The following NKAIN2 variants were observed in gnomAD, a reference collection of about 807,000 sequenced individuals.
NKAIN2 encodes sodium/potassium transporting ATPase interacting 2.
A neutral mutation model predicts 32.6 loss-of-function variants in NKAIN2; 14 were observed. The ratio of observed to expected loss-of-function variants is 0.43; its 90% CI spans 0.28 to 0.67. The LOEUF (loss-of-function observed/expected upper bound fraction) is 0.67. NKAIN2 is among the 30% of genes least tolerant of loss of function. NKAIN2 has a pLI of 0.17. For synonymous variants in NKAIN2, 80 were observed against 87.2 expected (o/e 0.92, Z 0.46); for missense variants, 198 against 258.3 (o/e 0.77, Z 1.60).
intron 3 of NKAIN2, among the ~76,000 whole-genome samples, chr6:124,457,301 T>C (rs985225043): frequency 1.6e-4 from 24 of 151,956 alleles, no homozygotes; most frequent in African/African-American, 5.8e-4. Flanking sequence ...ACTGATTCTA[T>C]AGGGCATTTG....
chr6:124,059,048 A>C (rs920423568), intron 1 of NKAIN2, among the ~76,000 whole-genome samples: 2 of 152,122 alleles, frequency 1.3e-5, no homozygotes, highest in African/African-American at 4.8e-5. Flanking sequence ...ATCACCCTCC[A>C]TATATTATGC....
intron 3 of NKAIN2, among the ~76,000 whole-genome samples, chr6:124,651,777 A>G (rs765042030): frequency 7.9e-5 from 12 of 152,296 alleles, no homozygotes; most frequent in Admixed American, 2.0e-4. Context: ...CTCTGGGTCT[A>G]TGATAAGAGG....
At chr6:124,234,838 A>G (rs1192578073) in intron 1 of NKAIN2, among the ~76,000 whole-genome samples, 1 of 152,184 alleles carries the variant, frequency 6.6e-6, no homozygotes, top group East Asian at 1.9e-4. Flanking sequence ...TTAAATGAAT[A>G]GTGCGAAGTT....
At chr6:124,215,415 G>C (rs1008864250) in intron 1 of NKAIN2, among the ~76,000 whole-genome samples, 1 of 151,948 alleles carries the variant, frequency 6.6e-6, no homozygotes, top group South Asian at 2.1e-4. Context: ...TCTCCAATAT[G>C]ATGGGCCCAA....
intron 2 of NKAIN2, among the ~76,000 whole-genome samples, chr6:124,349,825 A>C (rs1044154559): frequency 1.3e-5 from 2 of 152,210 alleles, no homozygotes; most frequent in African/African-American, 4.8e-5. Context: ...TGGAGCCACA[A>C]ATACCACAGG....
intron 3 of NKAIN2, among the ~76,000 whole-genome samples, chr6:124,514,613 A>G (rs1296284072): frequency 1.3e-5 from 2 of 152,118 alleles, no homozygotes; most frequent in African/African-American, 4.8e-5. Flanking sequence ...AGATGGATCT[A>G]CCACAGGTAA....
chr6:124,261,014 C>G (rs545178941), intron 1 of NKAIN2, among the ~76,000 whole-genome samples: 1 of 151,994 alleles, frequency 6.6e-6, no homozygotes, highest in African/African-American at 2.4e-5. Flanking sequence ...GAGGACTGCC[C>G]GCAAGAAATT....
intron 4 of NKAIN2, among the ~76,000 whole-genome samples, chr6:124,667,165 A>G (rs958909607): frequency 2.0e-5 from 3 of 152,150 alleles, no homozygotes; most frequent in Non-Finnish European, 2.9e-5. Flanking sequence ...AGGATGCAAT[A>G]TATTTTTCTA....
At chr6:124,223,414 A>G (rs746271390) in intron 1 of NKAIN2, among the ~76,000 whole-genome samples, 1 of 152,092 alleles carries the variant, frequency 6.6e-6, no homozygotes, top group Non-Finnish European at 1.5e-5. Flanking sequence ...GCAGAGTCCC[A>G]GAATAAGGGA....
chr6:124,788,014 G>A (rs970919322), intron 4 of NKAIN2, among the ~76,000 whole-genome samples: 15 of 152,072 alleles, frequency 9.9e-5, no homozygotes, highest in Non-Finnish European at 1.3e-4. Flanking sequence ...ACACATGAAA[G>A]TGTCCAATCT....
chr6:124,113,516 G>GC (rs1330260912), intron 1 of NKAIN2, among the ~76,000 whole-genome samples: 2 of 152,068 alleles, frequency 1.3e-5, no homozygotes, highest in Non-Finnish European at 2.9e-5. Context: ...GCCTGTACCA[G>GC]CCCAAGATGT....
At chr6:124,608,772 T>C (rs73573352) in intron 3 of NKAIN2, among the ~76,000 whole-genome samples, 13,286 of 152,208 alleles carry the variant, frequency 0.087, 638 homozygotes, top group South Asian at 0.21. Flanking sequence ...ATTTTCGACC[T>C]CACTCGGGGC....
intron 3 of NKAIN2, among the ~76,000 whole-genome samples, chr6:124,588,980 T>G (rs935385204): frequency 2.6e-5 from 4 of 152,228 alleles, no homozygotes; most frequent in Non-Finnish European, 5.9e-5. Flanking sequence ...TTTAATGTAT[T>G]TTTTATAATG....
intron 2 of NKAIN2, among the ~76,000 whole-genome samples, chr6:124,339,205 G>C (rs544378406): frequency 6.6e-6 from 1 of 152,136 alleles, no homozygotes. Context: ...GCCGGGCGTG[G>C]TGGCGCGCAC....
chr6:124,061,911 G>A (rs1582560175), intron 1 of NKAIN2, among the ~76,000 whole-genome samples: 1 of 152,228 alleles, frequency 6.6e-6, no homozygotes, highest in African/African-American at 2.4e-5. Flanking sequence ...TTCTTAAGAT[G>A]AGCAAAGTAG....
At chr6:124,126,742 G>A (rs557959165) in intron 1 of NKAIN2, among the ~76,000 whole-genome samples, 22 of 152,262 alleles carry the variant, frequency 1.4e-4, no homozygotes, top group Middle Eastern at 3.4e-3. Context: ...ATGGCAACAT[G>A]GTGAAAATTC....
chr6:123,857,103 G>A (rs543597314), intron 1 of NKAIN2, among the ~76,000 whole-genome samples: 1 of 152,132 alleles, frequency 6.6e-6, no homozygotes, highest in Non-Finnish European at 1.5e-5. Context: ...TGCTTTAACA[G>A]TCTGGGAAAG....
intron 4 of NKAIN2, among the ~76,000 whole-genome samples, chr6:124,755,718 A>C (rs961633753): frequency 3.9e-5 from 6 of 152,224 alleles, no homozygotes; most frequent in African/African-American, 1.4e-4. Context: ...CAGAGGGTGG[A>C]AGTCAGGAGA....
At chr6:123,893,829 G>T (rs1162222696) in intron 1 of NKAIN2, among the ~76,000 whole-genome samples, 2 of 152,180 alleles carry the variant, frequency 1.3e-5, no homozygotes, top group Non-Finnish European at 1.5e-5. Flanking sequence ...TTATTCCAGG[G>T]GGAGGAGGCC....
Sources: gnomAD v4.1 joint callset for allele counts (sites outside exome capture counted in the v4.1 genomes callset) on GRCh38, gnomAD v4.1.1 for gene constraint, MANE v1.5 for transcripts, NCBI Gene and HGNC (gene_info 2026-07-23, HGNC 2026-07-21) for gene names.